Variants in PSD observed in about 807,000 individuals in gnomAD.
PSD encodes the protein pleckstrin and Sec7 domain containing.
In PSD, 32 loss-of-function variants were observed where a neutral mutation model predicts 91.6. The ratio of observed to expected loss-of-function variants is 0.35; its 90% confidence interval spans 0.26 to 0.47. The LOEUF is 0.47. Ranked by LOEUF, PSD falls within the 20% of genes least tolerant of loss-of-function variation. The pLI, the probability that PSD is intolerant of heterozygous loss-of-function variation, is 1.00. For missense variants in PSD, 1,099 were observed against 1,373.9 expected, an observed-to-expected ratio of 0.80 and a Z score of 3.16; for synonymous variants, 532 against 569.3, an observed-to-expected ratio of 0.93 and a Z score of 0.93.
In PSD at chr10:102,415,054, G is replaced by A. The variant is rs766493888; in HGVS notation, c.933C>T (p.Ala311=). Residue 311 remains alanine, a synonymous_variant, in exon 4 of 17, where the codon GCC becomes GCT. Transcript: ENST00000020673. ...TGGGCTGACTTTCGATGGCCGAGTC[G>A]GCCTCCTCCCGCTCAGCCAGCACCT... ...IDEVLAEREE[A]DSAIESQPSS... The A allele has an allele frequency of 6.8e-6, 11 of 1,613,834 alleles. No individual in the cohort carries two copies. Among genetic ancestry groups the A allele is most frequent in the African/African-American group, 6.7e-5 (5 of 74,916 alleles).
Position 102,411,776 on chromosome 10 carries a change from G to A in PSD, c.1873C>T (p.Arg625Ter), listed in dbSNP as rs764432848. ...GAGAAGTGGGCCAGCACGCGCTCTC[G>A]TTCCTGGGTCTCACCCATTAAGGCC... is the stretch of plus-strand genomic sequence containing the variant. ...ELALMGETQERERVLAHFSQR... is the reference protein window; with the variant it reads ...ELALMGETQE The change falls in exon 8 of 17, where the codon CGA (arginine) becomes TGA (stop). Residue 625 changes from arginine to a stop codon, truncating the protein, a stop_gained. Coordinates refer to ENST00000020673, the MANE Select transcript of PSD (RefSeq NM_002779.5). LOFTEE classifies it high-confidence loss of function. The A allele has an allele frequency of 1.9e-6, 3 of 1,613,722 alleles. No homozygotes were observed. The highest frequency in any genetic ancestry group is 2.5e-6 in the Non-Finnish European group (3 of 1,179,854).
chr10:102,411,094 A>G lies in PSD; in HGVS notation c.1965T>C (p.Cys655=). Residue 655 remains cysteine, a synonymous_variant, in exon 9 of 17, where the codon TGT becomes TGC. Coordinates refer to ENST00000020673, the MANE Select transcript of PSD (RefSeq NM_002779.5). ...SSEDGAHTLT[C]ALMLLNTDLH... is the part of the protein sequence containing the mutation. ...GATCCGTGTTGAGCAGCATGAGCGCACAGGTCAGCGTGTGGGCGCCGTCTA... is the reference window on the plus strand; with the variant it reads ...GATCCGTGTTGAGCAGCATGAGCGCGCAGGTCAGCGTGTGGGCGCCGTCTA... The G allele has an allele frequency of 1.2e-6, 2 of 1,611,340 alleles. No homozygotes were observed. Among genetic ancestry groups the G allele is most frequent in the Non-Finnish European group, 1.7e-6 (2 of 1,177,944 alleles).
chr10:102,411,911 G>T, intron 7 of PSD, 92 bp from the exon 8 acceptor site: 1 of 979,476 alleles, frequency 1.0e-6, no homozygotes, highest in Non-Finnish European at 1.6e-6. Context: ...TACAGCAGCT[G>T]GGGTGGGAAG....
Position 102,405,322 on chromosome 10 carries a change from GC to G in PSD, c.2326+23del, listed in dbSNP as rs756731421. The G allele has an allele frequency of 6.2e-7, 1 of 1,607,448 alleles. No individual in the cohort carries two copies. On this transcript the variant is annotated intron_variant, in intron 12 of 16. Coordinates refer to ENST00000020673, the MANE Select transcript of PSD (RefSeq NM_002779.5). This position sits in a 1 kb window ranked among gnomAD's most constrained non-coding sequence, Gnocchi z 5.4. Reference sequence around the variant, plus strand: ...ACTCCCATCCATCCCCTAGACGCCCGCCCCCCGCAACTCGGCCACATACTCT... The same window carrying G: ...ACTCCCATCCATCCCCTAGACGCCCGCCCCCGCAACTCGGCCACATACTCT...
Position 102,403,037 on chromosome 10 carries a change from T to C in PSD, c.*163A>G. On this transcript the variant is annotated 3_prime_UTR_variant, in exon 17 of 17. Transcript: ENST00000020673. This position sits in a 1 kb window ranked among gnomAD's most constrained non-coding sequence, Gnocchi z 6.7. Reference sequence around the variant, plus strand: ...CGGAGGTGCCCCTAGCCTAGGCTCCTGAGGCCCAGGCCCCAGCCCTGCCCT... The same window carrying C: ...CGGAGGTGCCCCTAGCCTAGGCTCCCGAGGCCCAGGCCCCAGCCCTGCCCT... 1 of 262,962 alleles carries C rather than the reference T, an allele frequency of 3.8e-6. No homozygotes were observed. The allele number at this position is 262,962 out of a possible 1,614,324, so 16.3% of individuals were successfully genotyped here.
chr10:102,408,438 C>T (rs1232467220), intron 10 of PSD, among the ~76,000 whole-genome samples: 3 of 152,170 alleles, frequency 2.0e-5, no homozygotes, highest in African/African-American at 7.2e-5. Flanking sequence ...CCCAGCACAA[C>T]CAAGGCAAAT....
At position 102,410,985 on chromosome 10, in the gene PSD, C is replaced by G; in HGVS notation, c.2002-38G>C. ...ACGGAGGCCTGTGAGTTTGGAGGGC[C>G]CTTGGCCTCCCAGGTCCTGCATGTC... On this transcript the variant is annotated intron_variant, in intron 9 of 16. Transcript: ENST00000020673. The surrounding 1 kb of genome is among the most constrained non-coding windows in gnomAD (Gnocchi z 6.0). 1 of 1,612,166 alleles carries G rather than the reference C, an allele frequency of 6.2e-7. No individual in the cohort carries two copies. Among genetic ancestry groups the G allele is most frequent in the Non-Finnish European group, 8.5e-7 (1 of 1,178,216 alleles).
Position 102,405,557 on chromosome 10 carries a change from G to C in PSD, c.2136-21C>G. ...CGTCTCTGCAGGTGTGATCACCTCAGAGGGGGCTGGCCATGGAGCCGCGGC... is the reference window on the plus strand; with the variant it reads ...CGTCTCTGCAGGTGTGATCACCTCACAGGGGGCTGGCCATGGAGCCGCGGC... On this transcript the variant is annotated intron_variant, in intron 11 of 16. Transcript: ENST00000020673. The surrounding 1 kb of genome is among the most constrained non-coding windows in gnomAD (Gnocchi z 5.4). 2 of 1,591,726 alleles carry C rather than the reference G, an allele frequency of 1.3e-6. No homozygotes were observed. The highest frequency in any genetic ancestry group is 1.7e-6 in the Non-Finnish European group (2 of 1,163,944).
At chr10:102,413,728 C>T in intron 5 of PSD, 41 bp downstream of exon 5, 1 of 1,561,984 alleles carries the variant, frequency 6.4e-7, no homozygotes, top group Non-Finnish European at 8.7e-7. Context: ...TTTCTGGAGC[C>T]CTGGGGGCCT....
rs1279405103 is a variant in PSD at position 102,406,706 on chromosome 10, C to T, written c.2135+517G>A. Among the ~76,000 whole-genome samples, 15 of 152,104 alleles carry T rather than the reference C, an allele frequency of 9.9e-5. No homozygotes were observed. In the South Asian group the frequency reaches 1.0e-3, roughly 11 times the overall value. On this transcript the variant is annotated intron_variant, in intron 11 of 16. Coordinates refer to ENST00000020673, the MANE Select transcript of PSD (RefSeq NM_002779.5). ...GTGTTTTTAGTGGAGACGGTTTCAC[C>T]GTTTTAGCCAGGATGGTCTTGATCT... is the stretch of plus-strand genomic sequence containing the variant.
rs1482726606 is a variant in PSD, at chr10:102,402,704, C to T, written c.*496G>A. 2 of 308,274 alleles carry T rather than the reference C, an allele frequency of 6.5e-6. No homozygotes were observed. Among genetic ancestry groups the T allele is most frequent in the Middle Eastern group, 8.8e-4 (1 of 1,140 alleles). The allele number at this position is 308,274 out of a possible 1,614,324, so 19.1% of individuals were successfully genotyped here. A position where few individuals can be genotyped will look rare whatever the true frequency, so the allele number is the denominator to read the frequency against. ...CGGGGGAAAGCCAGGCCGTGCTGCC[C>T]CCGGCCCAGGTATGGGGCCTTGGCA... On this transcript the variant is annotated 3_prime_UTR_variant, in exon 17 of 17. Coordinates refer to ENST00000020673, the MANE Select transcript of PSD (RefSeq NM_002779.5).
Position 102,416,431 on chromosome 10 carries a change from A to G in PSD, c.608T>C (p.Leu203Pro). The change falls in exon 2 of 17, where the codon CTG (leucine) becomes CCG (proline). Residue 203 changes from leucine to proline, a missense_variant. Physicochemically the swap from Leu to Pro is moderately conservative, Grantham distance 98 (BLOSUM62 -3). Transcript: ENST00000020673. The surrounding 1 kb of genome is among the most constrained non-coding windows in gnomAD (Gnocchi z 6.0). ...PNGLGGPPERLATLFGGPADT... is the reference protein window; with the variant it reads ...PNGLGGPPERPATLFGGPADT... ...AGCAGGTCCTCCGAAGAGTGTGGCCAGGCGCTCAGGGGGGCCCCCCAGCCC... is the reference window on the plus strand; with the variant it reads ...AGCAGGTCCTCCGAAGAGTGTGGCCGGGCGCTCAGGGGGGCCCCCCAGCCC... The G allele has an allele frequency of 6.2e-7, 1 of 1,611,050 alleles. No homozygotes were observed. The highest frequency in any genetic ancestry group is 2.2e-5 in the East Asian group (1 of 44,794).
Position 102,402,915 on chromosome 10 carries a change from CA to C in PSD, c.*284del, listed in dbSNP as rs972549193. On this transcript the variant is annotated 3_prime_UTR_variant, in exon 17 of 17. Coordinates refer to ENST00000020673, the MANE Select transcript of PSD (RefSeq NM_002779.5). ...GAAACGGCATCAGGCCTCTCCCACA[CA>C]AAAAAAAAGCATCAAAAGTTCAGGG... 1.4e-4 allele frequency: 46 copies of C among 319,760 alleles called. No homozygotes were observed. Among genetic ancestry groups the C allele is most frequent in the South Asian group, 2.4e-4 (2 of 8,210 alleles). The allele number at this position is 319,760 out of a possible 1,614,324, so 19.8% of individuals were successfully genotyped here. A position where few individuals can be genotyped will look rare whatever the true frequency, so the allele number is the denominator to read the frequency against.
rs745682343 is a variant in PSD, at chr10:102,403,233, C to T, written c.3042G>A (p.Arg1014=). 1.9e-6 allele frequency: 3 copies of T among 1,590,540 alleles called. No individual in the cohort carries two copies. The highest frequency in any genetic ancestry group is 1.1e-5 in the South Asian group (1 of 88,560). The change falls in exon 17 of 17, where the codon CGG becomes CGA. Residue 1014 remains arginine, a synonymous_variant. Transcript: ENST00000020673. This position sits in a 1 kb window ranked among gnomAD's most constrained non-coding sequence, Gnocchi z 6.7. ...PRAQRHSSEP[R]PGAGSGRRKP ...TCCGCCGCCCACTGCCTGCCCCTGG[C>T]CGAGGCTCTGAGCTGTGACGCTGAG...
In PSD at chr10:102,405,037, T is replaced by G; in HGVS notation, c.2416A>C (p.Lys806Gln). The stretch of plus-strand genomic sequence containing the variant: ...TTGAGCTCCGTCTCTGAAAGGGCCT[T>G]CCCAGGCTTGTACTCCTCCTGCAGG... Reference protein sequence around the residue: ...YLQKEEYKPGKALSETELKNA... With the variant: ...YLQKEEYKPGQALSETELKNA... The change falls in exon 14 of 17, where the codon AAG (lysine) becomes CAG (glutamine). Residue 806 changes from lysine (K) to glutamine (Q), a missense_variant. Lys to Gln is a moderately conservative substitution (Grantham distance 53). Around this residue, in one of 3 missense-constraint regions of PSD, gnomAD observed 358 missense variants for 426.5 expected, o/e 0.84. Transcript: ENST00000020673. This position sits in a 1 kb window ranked among gnomAD's most constrained non-coding sequence, Gnocchi z 5.4. The G allele has an allele frequency of 6.2e-7, 1 of 1,614,014 alleles. No homozygotes were observed.
chr10:102,419,078 T>C, upstream of PSD: 1 of 316,886 alleles, frequency 3.2e-6, no homozygotes, highest in South Asian at 2.4e-5. The surrounding 1 kb of genome is among the most constrained non-coding windows in gnomAD (Gnocchi z 4.8). Flanking sequence ...AAGGCCCGGC[T>C]GCACACGCGT....
chr10:102,408,266 C>G (rs1467064683), intron 10 of PSD, among the ~76,000 whole-genome samples: 1 of 152,168 alleles, frequency 6.6e-6, no homozygotes, highest in African/African-American at 2.4e-5. Context: ...GGGACACAGC[C>G]TCCCCTTCAC....
In PSD at chr10:102,410,892, T is replaced by C. The variant is rs2061418637; in HGVS notation, c.2057A>G (p.Asn686Ser). 6.2e-7 allele frequency: 1 copy of C among 1,613,380 alleles called. No individual in the cohort carries two copies. Among genetic ancestry groups the C allele is most frequent in the Non-Finnish European group, 8.5e-7 (1 of 1,179,534 alleles). ...CTCCCTAGGGAAGTCGCCGCCATCA[T>C]TGAGGCCCTCCAGGTTCCCGATGAA... Reference protein sequence around the residue: ...GDFIGNLEGLNDGGDFPRELL... With the variant: ...GDFIGNLEGLSDGGDFPRELL... The change falls in exon 10 of 17, where the codon AAT becomes AGT. Residue 686 changes from asparagine (N) to serine (S), a missense_variant. Physicochemically the swap from Asn to Ser is conservative, Grantham distance 46. This residue lies in a region of PSD where 110 missense variants were observed against 218.7 expected (regional missense o/e 0.50). Transcript: ENST00000020673. The surrounding 1 kb of genome is among the most constrained non-coding windows in gnomAD (Gnocchi z 6.0).
At chr10:102,407,765 C>A (rs2061378828) in intron 10 of PSD, among the ~76,000 whole-genome samples, 1 of 152,140 alleles carries the variant, frequency 6.6e-6, no homozygotes, top group African/African-American at 2.4e-5. Flanking sequence ...TCAGCACTTT[C>A]CTTCCCTAAT....
Sources: gnomAD v4.1 joint callset for allele counts (sites outside exome capture counted in the v4.1 genomes callset) on GRCh38, gnomAD v4.1.1 for gene constraint, gnomAD v4.1.1 regional missense constraint, Gnocchi (gnomAD v3.1) non-coding constraint, MANE v1.5 for transcripts, NCBI Gene and HGNC (gene_info 2026-07-23, HGNC 2026-07-21) for gene names.